The following UGGT2 variants were observed in gnomAD, a reference collection of about 807,000 sequenced individuals.
UGGT2 encodes UDP-glucose:glycoprotein glucosyltransferase 2.
Under a neutral mutation model 192.1 loss-of-function variants are expected in UGGT2, and 180 were observed. That is an observed-to-expected ratio of 0.94 (90% CI 0.83 to 1.06). The LOEUF is 1.06. Ranked by LOEUF, UGGT2 falls within the 50% of genes least tolerant of loss-of-function variation. UGGT2 has a pLI of 0.00. For synonymous variants in UGGT2, 580 were observed against 591.0 expected (o/e 0.98, Z 0.27); for missense variants, 1,849 against 1,795.7 (o/e 1.03, Z -0.54).
chr13:95,903,125 T>C (rs2048160936), intron 20 of UGGT2, 65 bp from the exon 21 acceptor site: 2 of 1,484,126 alleles, frequency 1.3e-6, no homozygotes, highest in East Asian at 2.3e-5. Context: ...GTGAATATAT[T>C]TTCTTTCCCA....
At chr13:96,042,943 G>T (rs1342183803) in intron 1 of UGGT2, among the ~76,000 whole-genome samples, 2 of 152,088 alleles carry the variant, frequency 1.3e-5, no homozygotes, top group Non-Finnish European at 2.9e-5. Flanking sequence ...ACATATTTGG[G>T]GGAATAATTG....
At chr13:95,942,182 C>T (rs879003352) in intron 15 of UGGT2, among the ~76,000 whole-genome samples, 1 of 150,460 alleles carries the variant, frequency 6.6e-6, no homozygotes, top group Admixed American at 6.6e-5. Flanking sequence ...TAACAATAGC[C>T]TCCTAAGGTG....
At chr13:95,949,239 A>G (rs2049980377) in intron 13 of UGGT2, 96 bp downstream of exon 13, 4 of 1,202,778 alleles carry the variant, frequency 3.3e-6, no homozygotes, top group Non-Finnish European at 4.3e-6. Context: ...TAACTTCCTT[A>G]CAACTCAGAT....
At chr13:95,847,167 T>C (rs915327476) in intron 36 of UGGT2, among the ~76,000 whole-genome samples, 3 of 151,554 alleles carry the variant, frequency 2.0e-5, no homozygotes, top group African/African-American at 7.3e-5. Context: ...AGTTTTTAGG[T>C]TCACAGCCAA....
chr13:95,871,441 A>G (rs919038839), intron 29 of UGGT2, among the ~76,000 whole-genome samples: 1 of 152,150 alleles, frequency 6.6e-6, no homozygotes, highest in African/African-American at 2.4e-5. Flanking sequence ...GTGAGGACGG[A>G]AGGGGAAGAG....
At chr13:96,022,861 T>G (rs982033069) in intron 4 of UGGT2, among the ~76,000 whole-genome samples, 179 bp downstream of exon 4, 1 of 152,040 alleles carries the variant, frequency 6.6e-6, no homozygotes, top group Non-Finnish European at 1.5e-5. Flanking sequence ...ATTTATATGC[T>G]AAAATCAAAA....
intron 26 of UGGT2, 40 bp from the exon 27 acceptor site, chr13:95,884,720 TG>T: frequency 6.5e-7 from 1 of 1,527,170 alleles, no homozygotes; most frequent in Non-Finnish European, 8.8e-7. Flanking sequence ...TGACCAAAAC[TG>T]AGATTTTTCT....
At chr13:95,935,633 C>G (rs2049437654) in intron 17 of UGGT2, among the ~76,000 whole-genome samples, 1 of 152,110 alleles carries the variant, frequency 6.6e-6, no homozygotes, top group South Asian at 2.1e-4. Context: ...TGTATAGTAT[C>G]TCACAGTGTT....
intron 17 of UGGT2, among the ~76,000 whole-genome samples, chr13:95,932,490 T>C (rs999555908): frequency 1.3e-5 from 2 of 152,160 alleles, no homozygotes; most frequent in South Asian, 2.1e-4. Context: ...GTTCTAGGAG[T>C]TGTCCGGTGG....
At chr13:95,952,156 A>G (rs2050084311) in intron 12 of UGGT2, among the ~76,000 whole-genome samples, 1 of 152,136 alleles carries the variant, frequency 6.6e-6, no homozygotes, top group African/African-American at 2.4e-5. Flanking sequence ...ATAGTTTAAG[A>G]AGTAGTGCTC....
intron 17 of UGGT2, among the ~76,000 whole-genome samples, chr13:95,933,291 T>A (rs2049349243): frequency 6.6e-6 from 1 of 152,212 alleles, no homozygotes. Flanking sequence ...GGTGTCAATT[T>A]CTTCCTGATT....
chr13:95,983,868 G>GA lies in UGGT2; in HGVS notation c.1032-5dup, dbSNP rs532503246. On this transcript the variant is annotated splice_polypyrimidine_tract_variant and splice_region_variant and intron_variant, in intron 9 of 38. Coordinates refer to ENST00000376747, the MANE Select transcript of UGGT2 (RefSeq NM_020121.4). ...TACAGCAATTCTGGTTAGAGATCTG[G>GA]AAAAATGAATACTAATATAATTGAT... 1,237 of 1,539,830 alleles carry GA rather than the reference G, an allele frequency of 8.0e-4. 2 individuals are homozygous for GA. Among genetic ancestry groups the GA allele is most frequent in the Middle Eastern group, 1.9e-3 (11 of 5,816 alleles).
intron 37 of UGGT2, among the ~76,000 whole-genome samples, chr13:95,834,179 ATAT>A (rs953384315): frequency 5.9e-5 from 9 of 151,844 alleles, no homozygotes; most frequent in African/African-American, 1.9e-4. Context: ...AAAAATAAAA[ATAT>A]TATGTTTTGT....
intron 17 of UGGT2, among the ~76,000 whole-genome samples, chr13:95,928,275 G>A (rs900670654): frequency 4.0e-5 from 6 of 151,764 alleles, no homozygotes; most frequent in Non-Finnish European, 7.4e-5. Flanking sequence ...CCTCCTGGAC[G>A]GGGCGGCTGG....
Position 95,903,015 on chromosome 13 carries a change from A to G in UGGT2, c.2341T>C (p.Ser781Pro), listed in dbSNP as rs1433968581. ...SRLGIIYNPTSKINEENTAIS... is the reference protein window; with the variant it reads ...SRLGIIYNPTPKINEENTAIS... ...GCTGTGTTCTCTTCATTTATTTTTG[A>G]TGTAGGATTATAAATAATCCCCAAC... The change falls in exon 21 of 39, where the codon TCA becomes CCA. Residue 781 changes from serine to proline, a missense_variant. Ser to Pro is a moderately conservative substitution (Grantham distance 74). Transcript: ENST00000376747. The G allele has an allele frequency of 2.5e-6, 4 of 1,612,960 alleles. No individual in the cohort carries two copies. The South Asian group carries it at 4.4e-5, about 18-fold the overall frequency.
rs1207612131 is a variant in UGGT2, at chr13:95,962,717, C to A, written c.1335+7395G>T. Among the ~76,000 whole-genome samples the A allele has an allele frequency of 2.0e-5, 3 of 152,224 alleles. No homozygotes were observed. In the East Asian group the frequency reaches 5.8e-4, roughly 29 times the overall value. Reference sequence around the variant, plus strand: ...CTATGAAACCAGCATTACCCGGATACCAAAACCAGACGAGGACACAACAAT... The same window carrying A: ...CTATGAAACCAGCATTACCCGGATAACAAAACCAGACGAGGACACAACAAT... On this transcript the variant is annotated intron_variant, in intron 12 of 38. Coordinates refer to ENST00000376747, the MANE Select transcript of UGGT2 (RefSeq NM_020121.4).
chr13:95,972,545 C>G, intron 11 of UGGT2, 35 bp downstream of exon 11: 1 of 1,484,842 alleles, frequency 6.7e-7, no homozygotes, highest in Non-Finnish European at 9.3e-7. Context: ...TTTATATAAA[C>G]CATAGTTCAT....
intron 16 of UGGT2, among the ~76,000 whole-genome samples, chr13:95,939,471 G>C (rs1594387194): frequency 9.5e-6 from 1 of 104,846 alleles, no homozygotes. Flanking sequence ...TCTTTGAGTT[G>C]TTGCCTTTTT....
At chr13:96,024,941 G>A (rs1489631015) in intron 2 of UGGT2, among the ~76,000 whole-genome samples, 5 of 152,244 alleles carry the variant, frequency 3.3e-5, no homozygotes, top group African/African-American at 9.6e-5. Context: ...TATTTGCTCC[G>A]AAAGTGCTGG....
Sources: allele counts gnomAD v4.1 joint callset (sites outside exome capture counted in the v4.1 genomes callset), GRCh38; gene constraint gnomAD v4.1.1; transcripts MANE v1.5; gene names NCBI Gene and HGNC (gene_info 2026-07-23, HGNC 2026-07-21).